The following CLC variants were observed in gnomAD, a reference collection of about 807,000 sequenced individuals.
CLC encodes the protein galectin-10.
In CLC, 15 loss-of-function variants were observed where a neutral mutation model predicts 13.9. The ratio of observed to expected loss-of-function variants is 1.08; its 90% CI spans 0.72 to 1.66. The LOEUF (loss-of-function observed/expected upper bound fraction) is 1.66. CLC is among the 40% of genes most tolerant of loss of function. CLC has a pLI of 0.00. For missense variants in CLC, 161 were observed against 169.1 expected, an observed-to-expected ratio of 0.95 and a Z score of 0.27; for synonymous variants, 68 against 59.9, an observed-to-expected ratio of 1.14 and a Z score of -0.63.
At chr19:39,735,657 C>T (rs1056925388) in intron 1 of CLC, among the ~76,000 whole-genome samples, 2 of 152,182 alleles carry the variant, frequency 1.3e-5, no homozygotes, top group Non-Finnish European at 2.9e-5. Flanking sequence ...CTCCCTGCCT[C>T]AGTTTTCCCA....
rs576981411 is a variant in CLC, at chr19:39,731,521, A to T, written c.304-16T>A. ...TGACCATTACCTACAGAAGGAAAAA[A>T]ATACATCAGAAAGACAGTATTTCAC... is the stretch of plus-strand genomic sequence containing the variant. On this transcript the variant is annotated splice_polypyrimidine_tract_variant and intron_variant, in intron 3 of 3. Coordinates refer to ENST00000221804, the MANE Select transcript of CLC (RefSeq NM_001828.6). 6.3e-7 allele frequency: 1 copy of T among 1,591,292 alleles called. No homozygotes were observed. The highest frequency in any genetic ancestry group is 1.1e-5 in the South Asian group (1 of 88,840).
At chr19:39,732,825 G>A (rs1369230032) in intron 3 of CLC, among the ~76,000 whole-genome samples, 1 of 151,058 alleles carries the variant, frequency 6.6e-6, no homozygotes, top group Non-Finnish European at 1.5e-5. Flanking sequence ...AAAAACCCTA[G>A]AAGAAAACCT....
chr19:39,733,244 G>C (rs7253094), intron 3 of CLC, among the ~76,000 whole-genome samples: 101,501 of 152,074 alleles, frequency 0.67, 34,616 homozygotes, highest in African/African-American at 0.76. Context: ...CTTTAACAGC[G>C]TATAAACATA....
Position 39,737,938 on chromosome 19 carries a change from G to T in CLC, c.15C>A (p.Pro5=). The stretch of plus-strand genomic sequence containing the variant: ...TGAAGGCTGTGCCTTTTTAACTCAC[G>T]GGTAGCAGGGACATTGTTGTCTCCT... MSLL[P]VPYTEAASLS... Residue 5 remains proline, a splice_region_variant and synonymous_variant, in exon 1 of 4, where the codon CCC becomes CCA. Transcript: ENST00000221804. 1 of 1,612,326 alleles carries T rather than the reference G, an allele frequency of 6.2e-7. No individual in the cohort carries two copies. Among genetic ancestry groups the T allele is most frequent in the Non-Finnish European group, 8.5e-7 (1 of 1,178,856 alleles).
In CLC at chr19:39,734,240, G is replaced by A. The variant is rs777509854; in HGVS notation, c.303+43C>T. ...CATGAAGAGCTGCCTCCTGCTCTGA[G>A]ATCCCATGGAAGCCGGGTGCGGGGA... is the stretch of plus-strand genomic sequence containing the variant. On this transcript the variant is annotated intron_variant, in intron 3 of 3. Transcript: ENST00000221804. The A allele has an allele frequency of 1.9e-6, 3 of 1,589,556 alleles. No homozygotes were observed. In the Middle Eastern group the frequency reaches 5.0e-4, roughly 267 times the overall value.
In CLC at chr19:39,731,374, G is replaced by C. The variant is rs746479113; in HGVS notation, c.*6C>G. 13 of 1,613,056 alleles carry C rather than the reference G, an allele frequency of 8.1e-6. No individual in the cohort carries two copies. Among genetic ancestry groups the C allele is most frequent in the Middle Eastern group, 1.7e-4 (1 of 5,722 alleles). ...GACAGGGATTCCTTGGCAACATGAA[G>C]TCTGGTTATCTCTTTAAATAGCTGA... On this transcript the variant is annotated 3_prime_UTR_variant, in exon 4 of 4. Transcript: ENST00000221804.
intron 3 of CLC, among the ~76,000 whole-genome samples, chr19:39,732,407 T>C (rs1400750305): frequency 1.3e-5 from 1 of 78,498 alleles, no homozygotes; most frequent in African/African-American, 6.4e-5. Flanking sequence ...ACAAAGGACG[T>C]GAACTCATCA....
chr19:39,737,761 A>G lies in CLC; in HGVS notation c.15+177T>C, dbSNP rs563254220. 8.6e-5 allele frequency among the ~76,000 whole-genome samples: 13 copies of G among 151,894 alleles called. No homozygotes were observed. In the East Asian group the frequency reaches 2.3e-3, roughly 27 times the overall value. ...CAATGTTCCAGCATCCACACCCCCT[A>G]CCCCCCTACCCCAGGAGCATCTCAG... On this transcript the variant is annotated intron_variant, in intron 1 of 3. Coordinates refer to ENST00000221804, the MANE Select transcript of CLC (RefSeq NM_001828.6).
chr19:39,736,388 A>G (rs1482153615), intron 1 of CLC, among the ~76,000 whole-genome samples: 1 of 152,096 alleles, frequency 6.6e-6, no homozygotes, highest in African/African-American at 2.4e-5. Context: ...TGGGTCAGGG[A>G]AGTTATTGGC....
intron 2 of CLC, 91 bp from the exon 3 acceptor site, chr19:39,734,584 C>T (rs990870544): frequency 2.5e-5 from 27 of 1,086,434 alleles, no homozygotes; most frequent in African/African-American, 1.1e-4. Context: ...CTTCCGTGGT[C>T]GAGCAAAGAC....
intron 1 of CLC, among the ~76,000 whole-genome samples, chr19:39,737,334 C>T (rs1967328535): frequency 1.3e-5 from 2 of 151,888 alleles, no homozygotes; most frequent in East Asian, 1.9e-4. Context: ...CCCAAGATCC[C>T]ACAAGTTCTG....
In CLC at chr19:39,731,387, T is replaced by C; in HGVS notation, c.422A>G (p.Lys141Arg). The C allele has an allele frequency of 6.2e-7, 1 of 1,613,556 alleles. No homozygotes were observed. The highest frequency in any genetic ancestry group is 8.5e-7 in the Non-Finnish European group (1 of 1,179,668). ...SLTKFNVSYLKR is the reference protein window; with the variant it reads ...SLTKFNVSYLRR ...TGGCAACATGAAGTCTGGTTATCTC[T>C]TTAAATAGCTGACATTAAATTTGGT... The change falls in exon 4 of 4, where the codon AAG (lysine) becomes AGG (arginine). Residue 141 changes from lysine to arginine, a missense_variant. Lys to Arg is a conservative substitution (Grantham distance 26, BLOSUM62 2). Coordinates refer to ENST00000221804, the MANE Select transcript of CLC (RefSeq NM_001828.6).
chr19:39,732,085 A>AT (rs750321004), intron 3 of CLC, among the ~76,000 whole-genome samples: 77,999 of 146,746 alleles, frequency 0.53, 21,107 homozygotes, highest in South Asian at 0.64. Flanking sequence ...TTTATTATTT[A>AT]TTTTTTTTAT....
rs528996376 is a variant in CLC, at chr19:39,734,191, A to G, written c.303+92T>C. The stretch of plus-strand genomic sequence containing the variant: ...TTGTGGGTGATGAAAAGCCGGGGAC[A>G]GAGGGAGTTATCTGGAGTTAGGGCA... On this transcript the variant is annotated intron_variant, in intron 3 of 3. Coordinates refer to ENST00000221804, the MANE Select transcript of CLC (RefSeq NM_001828.6). The G allele has an allele frequency of 3.5e-6, 5 of 1,443,068 alleles. No homozygotes were observed. In the East Asian group the frequency reaches 1.2e-4, roughly 34 times the overall value. 89.4% of individuals were successfully genotyped at this position (1,443,068 alleles called of 1,614,324 possible).
chr19:39,733,351 G>A (rs1327980404), intron 3 of CLC, among the ~76,000 whole-genome samples: 1 of 152,118 alleles, frequency 6.6e-6, no homozygotes, highest in Non-Finnish European at 1.5e-5. Context: ...TATTACTGAG[G>A]CTACACAGGG....
rs1240433266 is a variant in CLC, at chr19:39,731,523, T to C, written c.304-18A>G. The C allele has an allele frequency of 3.1e-6, 5 of 1,590,814 alleles. No homozygotes were observed. The highest frequency in any genetic ancestry group is 4.3e-6 in the Non-Finnish European group (5 of 1,165,140). On this transcript the variant is annotated intron_variant, in intron 3 of 3. Coordinates refer to ENST00000221804, the MANE Select transcript of CLC (RefSeq NM_001828.6). ...ACCATTACCTACAGAAGGAAAAAAA[T>C]ACATCAGAAAGACAGTATTTCACCA...
Position 39,734,313 on chromosome 19 carries a change from C to T in CLC, c.273G>A (p.Leu91=). Reference sequence around the variant, plus strand: ...ACTTATCTGGCAGCACTGAGATGCTCAGTTCAAATTCTTGGCCATCCTGAA... The same window carrying T: ...ACTTATCTGGCAGCACTGAGATGCTTAGTTCAAATTCTTGGCCATCCTGAA... The part of the protein sequence containing the change: ...MPFQDGQEFE[L]SISVLPDKYQ... The change falls in exon 3 of 4, where the codon CTG becomes CTA. Residue 91 remains leucine, a synonymous_variant. Coordinates refer to ENST00000221804, the MANE Select transcript of CLC (RefSeq NM_001828.6). The T allele has an allele frequency of 6.2e-7, 1 of 1,613,982 alleles. No homozygotes were observed. The highest frequency in any genetic ancestry group is 8.5e-7 in the Non-Finnish European group (1 of 1,179,970).
At chr19:39,734,522 G>T in intron 2 of CLC, 29 bp from the exon 3 acceptor site, 1 of 1,594,866 alleles carries the variant, frequency 6.3e-7, no homozygotes, top group Non-Finnish European at 8.6e-7. Context: ...GTGTTGAGCA[G>T]GTCCCTTTCT....
chr19:39,734,273 G>T lies in CLC; in HGVS notation c.303+10C>A. 6.2e-7 allele frequency: 1 copy of T among 1,612,236 alleles called. No homozygotes were observed. ...GGAAGCCGGGTGCGGGGAGCTCCTG[G>T]GGTGCTCACCTGGTACTTATCTGGC... On this transcript the variant is annotated intron_variant, in intron 3 of 3. Coordinates refer to ENST00000221804, the MANE Select transcript of CLC (RefSeq NM_001828.6).
Sources: allele counts gnomAD v4.1 joint callset (sites outside exome capture counted in the v4.1 genomes callset), GRCh38; gene constraint gnomAD v4.1.1; transcripts MANE v1.5; gene names NCBI Gene and HGNC (gene_info 2026-07-23, HGNC 2026-07-21).